GAREM1: variants seen among roughly 807,000 people sequenced by gnomAD.
The protein encoded by GAREM1 is GRB2-associated and regulator of MAPK protein 1.
Under a neutral mutation model 71.3 loss-of-function variants are expected in GAREM1, and 26 were observed. The observed-to-expected ratio is 0.36, with a 90% CI of 0.27 to 0.51. The LOEUF (loss-of-function observed/expected upper bound fraction) is 0.51, where lower values mean the gene tolerates loss of function less well. GAREM1 is among the 20% of genes least tolerant of loss of function. GAREM1 has a pLI of 0.95. For missense variants in GAREM1, 1,026 were observed against 1,103.1 expected, an observed-to-expected ratio of 0.93 and a Z score of 0.99; for synonymous variants, 440 against 433.2, an observed-to-expected ratio of 1.02 and a Z score of -0.20.
intron 1 of GAREM1, among the ~76,000 whole-genome samples, chr18:32,451,755 C>G (rs1307090586): frequency 6.6e-6 from 1 of 152,066 alleles, no homozygotes; most frequent in Non-Finnish European, 1.5e-5. Flanking sequence ...AAATCTGGGC[C>G]TTTCCCATAT....
intron 2 of GAREM1, among the ~76,000 whole-genome samples, chr18:32,353,907 C>T (rs895918670): frequency 5.3e-5 from 8 of 152,060 alleles, no homozygotes; most frequent in Admixed American, 5.2e-4. Flanking sequence ...GTCAAGAAAA[C>T]AAGGTTTTGT....
intron 1 of GAREM1, among the ~76,000 whole-genome samples, chr18:32,423,969 AC>A (rs1404807554): frequency 6.6e-6 from 1 of 152,100 alleles, no homozygotes. Context: ...CCCTGTCTCT[AC>A]AAAAAAAATT....
intron 2 of GAREM1, among the ~76,000 whole-genome samples, chr18:32,320,780 G>T (rs2047421121): frequency 6.6e-6 from 1 of 152,084 alleles, no homozygotes; most frequent in Non-Finnish European, 1.5e-5. Context: ...ATGCAAACTG[G>T]TTTCCCTGTT....
intron 2 of GAREM1, among the ~76,000 whole-genome samples, chr18:32,351,762 A>G (rs1383933747): frequency 2.6e-5 from 4 of 151,870 alleles, no homozygotes; most frequent in African/African-American, 9.7e-5. Flanking sequence ...GTGAAAAGCC[A>G]TCTTTTACAC....
At chr18:32,330,753 C>A (rs927129456) in intron 2 of GAREM1, among the ~76,000 whole-genome samples, 7 of 151,940 alleles carry the variant, frequency 4.6e-5, no homozygotes, top group African/African-American at 1.7e-4. Flanking sequence ...ATCTTCCCCA[C>A]GCTTTTATTT....
At chr18:32,462,299 T>C (rs2144313497) in intron 1 of GAREM1, among the ~76,000 whole-genome samples, 1 of 152,344 alleles carries the variant, frequency 6.6e-6, no homozygotes, top group South Asian at 2.1e-4. Flanking sequence ...ACTTTTGTCT[T>C]TTTGCCATTC....
At chr18:32,405,565 C>T (rs1285665303) in intron 1 of GAREM1, among the ~76,000 whole-genome samples, 2 of 152,136 alleles carry the variant, frequency 1.3e-5, no homozygotes, top group African/African-American at 4.8e-5. Flanking sequence ...AATAAGTGTC[C>T]TCTTCCTTCC....
At chr18:32,364,013 T>C (rs866820505) in intron 2 of GAREM1, among the ~76,000 whole-genome samples, 2 of 67,890 alleles carry the variant, frequency 2.9e-5, no homozygotes, top group African/African-American at 7.1e-5. Context: ...TATATATATA[T>C]ATATATATAT....
In GAREM1 at chr18:32,287,598, C is replaced by G; in HGVS notation, c.999G>C (p.Gln333His). ...VHHWLGICQE[Q>H]FDIDEYSRAV... ...CCCGTGAATACTCATCGATGTCGAA[C>G]TGTTCTTGGCAGATACCTAGCCAGT... Residue 333 changes from glutamine to histidine, a missense_variant, in exon 4 of 6, where the codon CAG (glutamine) becomes CAC (histidine). Coordinates refer to ENST00000269209, the MANE Select transcript of GAREM1 (RefSeq NM_001242409.2). The surrounding 1 kb of genome is among the most constrained non-coding windows in gnomAD (Gnocchi z 5.9). The G allele has an allele frequency of 6.2e-7, 1 of 1,614,208 alleles. No individual in the cohort carries two copies. The highest frequency in any genetic ancestry group is 8.5e-7 in the Non-Finnish European group (1 of 1,180,038).
intron 1 of GAREM1, among the ~76,000 whole-genome samples, chr18:32,394,039 G>C (rs2048228084): frequency 6.6e-6 from 1 of 152,172 alleles, no homozygotes; most frequent in Non-Finnish European, 1.5e-5. Context: ...ATAAATAGAA[G>C]AGACTGTAAT....
intron 1 of GAREM1, among the ~76,000 whole-genome samples, chr18:32,464,969 T>C (rs1476167947): frequency 6.6e-6 from 1 of 152,136 alleles, no homozygotes; most frequent in East Asian, 1.9e-4. Flanking sequence ...ATTTACTGAA[T>C]GAAGAATAGG....
intron 1 of GAREM1, 145 bp from the exon 2 acceptor site, chr18:32,393,180 G>GTTTT: frequency 1.3e-5 from 6 of 451,600 alleles, no homozygotes; most frequent in South Asian, 8.6e-5. Flanking sequence ...CCTCTGAATT[G>GTTTT]TTTTTTTTTT....
chr18:32,418,063 C>G (rs113611456), intron 1 of GAREM1, among the ~76,000 whole-genome samples: 1 of 151,988 alleles, frequency 6.6e-6, no homozygotes, highest in African/African-American at 2.4e-5. Context: ...CAATTCTCCA[C>G]CAACATAATA....
At chr18:32,359,008 A>T (rs939957388) in intron 2 of GAREM1, among the ~76,000 whole-genome samples, 1 of 152,224 alleles carries the variant, frequency 6.6e-6, no homozygotes, top group Non-Finnish European at 1.5e-5. Context: ...TCACTGGAAG[A>T]ACCCGTCAGC....
intron 2 of GAREM1, among the ~76,000 whole-genome samples, chr18:32,364,024 A>AT (rs1292370389): frequency 3.6e-4 from 19 of 52,184 alleles, no homozygotes; most frequent in African/African-American, 2.9e-3. Flanking sequence ...ATATATATAT[A>AT]TATGTTTTTT....
intron 2 of GAREM1, among the ~76,000 whole-genome samples, chr18:32,337,982 C>T (rs1158529734): frequency 6.6e-6 from 1 of 152,298 alleles, no homozygotes; most frequent in Non-Finnish European, 1.5e-5. Flanking sequence ...AAGACCCAAA[C>T]CCGACAGACT....
chr18:32,288,989 G>A (rs561852093), intron 3 of GAREM1, among the ~76,000 whole-genome samples: 1 of 152,276 alleles, frequency 6.6e-6, no homozygotes, highest in African/African-American at 2.4e-5. Context: ...AAATAGTACT[G>A]CAATGAACTT....
chr18:32,411,591 C>T (rs1445869068), intron 1 of GAREM1, among the ~76,000 whole-genome samples: 1 of 151,794 alleles, frequency 6.6e-6, no homozygotes, highest in Non-Finnish European at 1.5e-5. Context: ...TATCTGGTAC[C>T]ATTATTCAAT....
chr18:32,426,241 G>A (rs2048574173), intron 1 of GAREM1, among the ~76,000 whole-genome samples: 1 of 151,866 alleles, frequency 6.6e-6, no homozygotes, highest in South Asian at 2.1e-4. Flanking sequence ...GGATAGTCTC[G>A]GTCTCCTGAC....
Sources: gnomAD v4.1 joint callset for allele counts (sites outside exome capture counted in the v4.1 genomes callset) on GRCh38, gnomAD v4.1.1 for gene constraint, Gnocchi (gnomAD v3.1) non-coding constraint, MANE v1.5 for transcripts, NCBI Gene and HGNC (gene_info 2026-07-23, HGNC 2026-07-21) for gene names.